The following DGKA variants were observed in gnomAD, a reference collection of about 807,000 sequenced individuals.
DGKA encodes the protein 80 kDa diacylglycerol kinase.
In DGKA, 35 loss-of-function variants were observed where a neutral mutation model predicts 105.0. The observed-to-expected ratio is 0.33, with a 90% CI of 0.25 to 0.44. DGKA has a LOEUF of 0.44. Ranked by LOEUF, DGKA falls within the 20% of genes least tolerant of loss-of-function variation. The probability of loss-of-function intolerance (pLI) is 1.00; values close to 1 mark genes in which losing one functional copy is unlikely to be tolerated. For synonymous variants in DGKA, 296 were observed against 332.0 expected, an observed-to-expected ratio of 0.89 and a Z score of 1.18; for missense variants, 665 against 915.0, an observed-to-expected ratio of 0.73 and a Z score of 3.53.
upstream of DGKA, chr12:55,929,303 TG>T (rs1021311217): frequency 3.9e-5 from 6 of 152,140 alleles, no homozygotes; most frequent in African/African-American, 1.4e-4. Context: ...GACGTGAGAG[TG>T]TGGGATGAAG....
In DGKA at chr12:55,950,112, T is replaced by C. The variant is rs143840643; in HGVS notation, c.1427-1511T>C. On this transcript the variant is annotated intron_variant, in intron 17 of 23. Transcript: ENST00000331886. Reference sequence around the variant, plus strand: ...GCCTCAGCCTCCCAAGTAGCTGGGATTGCAGGTGTCCGCCACCACGCCTTG... The same window carrying C: ...GCCTCAGCCTCCCAAGTAGCTGGGACTGCAGGTGTCCGCCACCACGCCTTG... Among the ~76,000 whole-genome samples the C allele has an allele frequency of 4.5e-3, 675 of 148,536 alleles. 2 individuals are homozygous for C. Among genetic ancestry groups the C allele is most frequent in the Middle Eastern group, 0.015 (4 of 266 alleles).
At chr12:55,945,572 G>T (rs1886827853) in intron 17 of DGKA, among the ~76,000 whole-genome samples, 1 of 152,112 alleles carries the variant, frequency 6.6e-6, no homozygotes, top group Admixed American at 6.5e-5. Flanking sequence ...AGGCTCTAGG[G>T]AATAATCCTT....
At chr12:55,936,142 G>A in intron 1 of DGKA, 1 of 631,620 alleles carries the variant, frequency 1.6e-6, no homozygotes, top group South Asian at 4.3e-5. Context: ...GAAGGTGAGG[G>A]TGGTCAGATG....
chr12:55,951,873 G>C, intron 18 of DGKA, 90 bp downstream of exon 18: 1 of 1,538,540 alleles, frequency 6.5e-7, no homozygotes, highest in Non-Finnish European at 8.9e-7. Context: ...GGGAGGTTAA[G>C]TGACCTGTGA....
At position 55,937,652 on chromosome 12, in the gene DGKA, A is replaced by T. The variant is rs1885022935; in HGVS notation, c.274+109A>T. On this transcript the variant is annotated intron_variant, in intron 4 of 23. Coordinates refer to ENST00000331886, the MANE Select transcript of DGKA (RefSeq NM_001345.5). Reference sequence around the variant, plus strand: ...GTCACACGTTGTGCAGGTTGGGGGAAATTGGTGGAGAATAGTCAGGCTGGT... The same window carrying T: ...GTCACACGTTGTGCAGGTTGGGGGATATTGGTGGAGAATAGTCAGGCTGGT... 2.8e-6 allele frequency: 4 copies of T among 1,425,978 alleles called. No individual in the cohort carries two copies. In the African/African-American group the frequency reaches 4.3e-5, roughly 15 times the overall value. 88.3% of individuals were successfully genotyped at this position (1,425,978 alleles called of 1,614,324 possible).
upstream of DGKA, chr12:55,930,414 T>G (rs2136276779): frequency 7.5e-6 from 1 of 133,182 alleles, no homozygotes; most frequent in Admixed American, 8.9e-5. Context: ...TCACCCAGGC[T>G]GGAGTGCAGT....
upstream of DGKA, chr12:55,927,691 G>A: frequency 6.5e-7 from 1 of 1,538,768 alleles, no homozygotes; most frequent in Non-Finnish European, 8.7e-7. Context: ...CGCGGGAGGG[G>A]CGTGCAAGGC....
intron 17 of DGKA, among the ~76,000 whole-genome samples, chr12:55,943,654 C>CTT (rs1017764912): frequency 6.8e-6 from 1 of 147,658 alleles, no homozygotes; most frequent in Non-Finnish European, 1.5e-5. Flanking sequence ...TTTCTTTTCT[C>CTT]TTTTTTTTTT....
chr12:55,938,369 G>A, intron 5 of DGKA, 142 bp from the exon 6 acceptor site: 2 of 1,036,738 alleles, frequency 1.9e-6, no homozygotes, highest in South Asian at 1.5e-5. Flanking sequence ...TTTCCTTTTT[G>A]TCTCTCTCTC....
intron 4 of DGKA, 92 bp from the exon 5 acceptor site, chr12:55,937,886 T>C (rs1037751396): frequency 9.3e-6 from 11 of 1,187,714 alleles, no homozygotes; most frequent in African/African-American, 1.5e-5. Flanking sequence ...AAATCTTTTT[T>C]TTAAAAAAAG....
intron 1 of DGKA, chr12:55,931,600 A>T (rs1375408897): frequency 6.6e-6 from 1 of 152,526 alleles, no homozygotes; most frequent in Admixed American, 6.5e-5. Flanking sequence ...GGATCTCCTG[A>T]GTGTGAAGTC....
intron 17 of DGKA, among the ~76,000 whole-genome samples, chr12:55,945,319 G>A (rs1172207721): frequency 6.6e-6 from 1 of 152,168 alleles, no homozygotes; most frequent in Non-Finnish European, 1.5e-5. Flanking sequence ...CCCAGAGAAA[G>A]AGGTAAGAGA....
chr12:55,940,635 C>T lies in DGKA; in HGVS notation c.930C>T (p.Asp310=). 1 of 1,582,330 alleles carries T rather than the reference C, an allele frequency of 6.3e-7. No individual in the cohort carries two copies. The highest frequency in any genetic ancestry group is 1.9e-5 in the Admixed American group (1 of 51,686). ...ACCTCGTCTTTCAGATCCACGATGA[C>T]TGCCTGCAAGCGGTGGGCCATGAGT... ...CVWCHLEIHD[D]CLQAVGHECD... is the part of the protein sequence containing the mutation. The change falls in exon 12 of 24, where the codon GAC becomes GAT. Residue 310 remains aspartate, a synonymous_variant. Coordinates refer to ENST00000331886, the MANE Select transcript of DGKA (RefSeq NM_001345.5). The surrounding 1 kb of genome is among the most constrained non-coding windows in gnomAD (Gnocchi z 4.3).
rs967531053 is a variant in DGKA, at chr12:55,932,007, C to T, written c.-82+663C>T. ...GGTGGGGGGCGGGCAGCTATGTCGT[C>T]AGGAACGGGGCGGCCCCGCTGCGGC... On this transcript the variant is annotated intron_variant, in intron 1 of 23. Transcript: ENST00000331886. This position sits in a 1 kb window ranked among gnomAD's most constrained non-coding sequence, Gnocchi z 4.3. The T allele has an allele frequency of 2.6e-5, 4 of 152,522 alleles. No individual in the cohort carries two copies. Among genetic ancestry groups the T allele is most frequent in the Non-Finnish European group, 5.9e-5 (4 of 68,216 alleles). 9.4% of individuals were successfully genotyped at this position (152,522 alleles called of 1,614,324 possible). A position where few individuals can be genotyped will look rare whatever the true frequency, so the allele number is the denominator to read the frequency against.
chr12:55,950,956 T>G (rs1477106932), intron 17 of DGKA, among the ~76,000 whole-genome samples: 2 of 152,196 alleles, frequency 1.3e-5, no homozygotes, highest in African/African-American at 2.4e-5. Flanking sequence ...TTACTAATGT[T>G]TTCTTCTAGT....
chr12:55,938,246 G>C (rs919710317), intron 5 of DGKA, 194 bp downstream of exon 5: 1 of 667,992 alleles, frequency 1.5e-6, no homozygotes, highest in African/African-American at 1.8e-5. Context: ...AGTCACCCCA[G>C]TACCCATGTC....
Position 55,941,528 on chromosome 12 carries a change from G to A in DGKA, c.1194G>A (p.Gln398=), listed in dbSNP as rs34323718. 1.7e-3 allele frequency: 2,790 copies of A among 1,614,130 alleles called. 49 individuals are homozygous for A. The African/African-American group carries it at 0.033, about 19-fold the overall frequency. The part of the protein sequence containing the change: ...KQGQRVLWKF[Q]YILNPRQVFN... ...CACACAGGGTGCTCTGGAAGTTCCA[G>A]TATATATTAAACCCTCGACAGGTGT... Residue 398 remains glutamine (Q), a synonymous_variant, in exon 15 of 24, where the codon CAG becomes CAA. Coordinates refer to ENST00000331886, the MANE Select transcript of DGKA (RefSeq NM_001345.5).
At position 55,952,932 on chromosome 12, in the gene DGKA, G is replaced by A; in HGVS notation, c.1942G>A (p.Asp648Asn). The A allele has an allele frequency of 6.2e-7, 1 of 1,614,158 alleles. No homozygotes were observed. Among genetic ancestry groups the A allele is most frequent in the Non-Finnish European group, 8.5e-7 (1 of 1,180,014 alleles). Residue 648 changes from aspartate (D) to asparagine (N), a missense_variant and splice_region_variant, in exon 21 of 24, where the codon GAC (aspartate) becomes AAC (asparagine). Asp to Asn is a conservative substitution (Grantham distance 23). Around this residue, in one of 3 missense-constraint regions of DGKA, gnomAD observed 158 missense variants for 213.4 expected, o/e 0.74. Transcript: ENST00000331886. This position sits in a 1 kb window ranked among gnomAD's most constrained non-coding sequence, Gnocchi z 5.1. ...TGATATCCTGAAAACCTGTGTACCA[G>A]GTGAGAGGAGCAGCCTTGGGAGCTG... ...DPDILKTCVP[D>N]LSDKRLEVVG...
At chr12:55,938,770 A>G in intron 6 of DGKA, 145 bp from the exon 7 acceptor site, 9 of 1,534,854 alleles carry the variant, frequency 5.9e-6, no homozygotes, top group Non-Finnish European at 7.9e-6. Context: ...ACAAACATAC[A>G]AACACATTTA....
Sources: allele counts gnomAD v4.1 joint callset (sites outside exome capture counted in the v4.1 genomes callset), GRCh38; gene constraint gnomAD v4.1.1; regional missense constraint gnomAD v4.1.1; non-coding constraint Gnocchi (gnomAD v3.1); transcripts MANE v1.5; gene names NCBI Gene and HGNC (gene_info 2026-07-23, HGNC 2026-07-21).